The following MRTFB variants were observed in gnomAD, a reference collection of about 807,000 sequenced individuals.
The protein encoded by MRTFB is myocardin related transcription factor B, also known as myocardin-related transcription factor B.
Under a neutral mutation model 104.2 loss-of-function variants are expected in MRTFB, and 29 were observed. The observed-to-expected ratio is 0.28, with a 90% CI of 0.21 to 0.38. MRTFB has a LOEUF of 0.38. Ranked by LOEUF, MRTFB falls within the 10% of genes least tolerant of loss-of-function variation. The pLI, the probability that MRTFB is intolerant of heterozygous loss-of-function variation, is 1.00. For synonymous variants in MRTFB, 535 were observed against 519.5 expected, an observed-to-expected ratio of 1.03 and a Z score of -0.41; for missense variants, 1,270 against 1,341.6, an observed-to-expected ratio of 0.95 and a Z score of 0.83.
chr16:14,239,614 A>G (rs1207187898), intron 9 of MRTFB, among the ~76,000 whole-genome samples: 1 of 152,194 alleles, frequency 6.6e-6, no homozygotes, highest in Non-Finnish European at 1.5e-5. Flanking sequence ...AACTGAGAAG[A>G]CAACAAGACC....
rs371769652 is a variant in MRTFB at position 14,088,456 on chromosome 16, CA to C, written c.-64+9103del. On this transcript the variant is annotated intron_variant, in intron 2 of 16. Transcript: ENST00000571589. Reference sequence around the variant, plus strand: ...AAAATCCATGCTTTCTTCCCTCGGACAGGGAAAGGTGGTGTTAGAATGCTCG... The same window carrying C: ...AAAATCCATGCTTTCTTCCCTCGGACGGGAAAGGTGGTGTTAGAATGCTCG... Among the ~76,000 whole-genome samples the C allele has an allele frequency of 4.5e-3, 680 of 152,246 alleles. 2 individuals carry two copies. The highest frequency in any genetic ancestry group is 8.4e-3 in the Admixed American group (129 of 15,290).
the MRTFB span, among the ~76,000 whole-genome samples, chr16:14,047,245 G>T: frequency 6.6e-6 from 1 of 152,232 alleles, no homozygotes; most frequent in African/African-American, 2.4e-5. Flanking sequence ...AGCAGAAAAT[G>T]AGAGCATGCT....
chr16:14,169,442 G>A (rs1400973660), intron 3 of MRTFB, among the ~76,000 whole-genome samples: 1 of 135,182 alleles, frequency 7.4e-6, no homozygotes, highest in African/African-American at 3.7e-5. Flanking sequence ...TTTTAACTTT[G>A]CCCATTTTTT....
intron 2 of MRTFB, among the ~76,000 whole-genome samples, chr16:14,105,402 A>AT (rs141253931): frequency 1.4e-3 from 200 of 146,792 alleles, no homozygotes; most frequent in South Asian, 3.7e-3. Context: ...TTCTCTTATG[A>AT]TTTTTTTTTT....
At position 14,240,292 on chromosome 16, in the gene MRTFB, C is replaced by T. The variant is rs764690291; in HGVS notation, c.887C>T (p.Pro296Leu). The T allele has an allele frequency of 1.2e-6, 2 of 1,613,604 alleles. No individual in the cohort carries two copies. Among genetic ancestry groups the T allele is most frequent in the East Asian group, 4.5e-5 (2 of 44,872 alleles). ...DKHRSKKCKD[P>L]KPRVKKLKYH... Reference sequence around the variant, plus strand: ...CACCGTAGCAAAAAGTGCAAAGATCCCAAACCACGGGTAAAGAAGTTAAAG... The same window carrying T: ...CACCGTAGCAAAAAGTGCAAAGATCTCAAACCACGGGTAAAGAAGTTAAAG... The change falls in exon 10 of 17, where the codon CCC becomes CTC. Residue 296 changes from proline (P) to leucine (L), a missense_variant. Coordinates refer to ENST00000571589, the MANE Select transcript of MRTFB (RefSeq NM_001308142.2).
At chr16:14,172,412 T>C (rs2039452098) in intron 3 of MRTFB, among the ~76,000 whole-genome samples, 1 of 152,236 alleles carries the variant, frequency 6.6e-6, no homozygotes, top group Non-Finnish European at 1.5e-5. Context: ...GGTTGTACCA[T>C]AGTTTTATTC....
At chr16:14,193,675 C>T (rs1407500719) in intron 3 of MRTFB, 3 of 152,196 alleles carry the variant, frequency 2.0e-5, no homozygotes, top group Non-Finnish European at 4.4e-5. Flanking sequence ...CTGCTACTCA[C>T]TTGGTAAATA....
At chr16:14,070,590 A>C (rs980977090), upstream of MRTFB, among the ~76,000 whole-genome samples, 7 of 152,242 alleles carry the variant, frequency 4.6e-5, no homozygotes, top group Non-Finnish European at 8.8e-5. Flanking sequence ...GGAAGTTTGT[A>C]AAGTGAGGGA....
chr16:14,003,623 G>T, the MRTFB span, among the ~76,000 whole-genome samples: 5,611 of 85,368 alleles, frequency 0.066, 433 homozygotes, highest in African/African-American at 0.26. Flanking sequence ...GGGGCCGGCC[G>T]GCCTGCCTGC....
At chr16:14,037,714 G>A in the MRTFB span, among the ~76,000 whole-genome samples, 1 of 152,180 alleles carries the variant, frequency 6.6e-6, no homozygotes, top group East Asian at 1.9e-4. Flanking sequence ...TTCTTAAGGA[G>A]AAACCTTAAG....
the MRTFB span, among the ~76,000 whole-genome samples, chr16:14,062,568 C>T: frequency 6.6e-5 from 10 of 152,168 alleles, no homozygotes; most frequent in Non-Finnish European, 1.2e-4. Context: ...CCACTACCCC[C>T]GGTGAGCCCC....
chr16:14,040,300 C>T, the MRTFB span, among the ~76,000 whole-genome samples: 1 of 152,106 alleles, frequency 6.6e-6, no homozygotes, highest in African/African-American at 2.4e-5. Context: ...ACTGACCATC[C>T]TCTTACATGT....
intron 1 of MRTFB, among the ~76,000 whole-genome samples, chr16:14,073,242 G>A (rs970855145): frequency 1.3e-5 from 2 of 152,158 alleles, no homozygotes; most frequent in Non-Finnish European, 2.9e-5. Flanking sequence ...CGTACCAGGC[G>A]AATCTTCATT....
At chr16:14,031,473 A>C in the MRTFB span, among the ~76,000 whole-genome samples, 3 of 152,178 alleles carry the variant, frequency 2.0e-5, no homozygotes, top group South Asian at 6.2e-4. Flanking sequence ...GTATCTTACT[A>C]CGTACTAGAA....
At chr16:14,036,995 G>A in the MRTFB span, among the ~76,000 whole-genome samples, 1 of 151,968 alleles carries the variant, frequency 6.6e-6, no homozygotes, top group South Asian at 2.1e-4. Flanking sequence ...CAGAAATCTG[G>A]TTTTTATGTG....
intron 3 of MRTFB, among the ~76,000 whole-genome samples, chr16:14,202,854 C>G (rs2040769250): frequency 6.6e-6 from 1 of 152,170 alleles, no homozygotes; most frequent in African/African-American, 2.4e-5. Context: ...CCTCCTGTAT[C>G]CAAGCTCAAA....
chr16:14,060,158 C>T, the MRTFB span, among the ~76,000 whole-genome samples: 2 of 151,968 alleles, frequency 1.3e-5, no homozygotes, highest in Non-Finnish European at 2.9e-5. Context: ...AGGAGCCCGC[C>T]ACCATGCCCA....
chr16:14,171,680 C>T (rs2039428488), intron 3 of MRTFB, among the ~76,000 whole-genome samples: 1 of 152,138 alleles, frequency 6.6e-6, no homozygotes, highest in Admixed American at 6.6e-5. Flanking sequence ...GAACCTGGCT[C>T]CCATTATCCA....
At chr16:14,008,266 A>T in the MRTFB span, among the ~76,000 whole-genome samples, 1 of 152,232 alleles carries the variant, frequency 6.6e-6, no homozygotes, top group Non-Finnish European at 1.5e-5. Flanking sequence ...ATCATATCTT[A>T]GAATCCATTG....
Sources: gnomAD v4.1 joint callset for allele counts (sites outside exome capture counted in the v4.1 genomes callset) on GRCh38, gnomAD v4.1.1 for gene constraint, MANE v1.5 for transcripts, NCBI Gene and HGNC (gene_info 2026-07-23, HGNC 2026-07-21) for gene names.